Variants in SVIL observed in about 807,000 individuals in gnomAD.
SVIL encodes the protein supervillin, also known as archvillin.
A neutral mutation model predicts 240.4 loss-of-function variants in SVIL; 101 were observed. The observed-to-expected ratio is 0.42, with a 90% CI of 0.36 to 0.50. SVIL has a LOEUF of 0.50. Ranked by LOEUF, SVIL falls within the 20% of genes least tolerant of loss-of-function variation. The pLI, the probability that SVIL is intolerant of heterozygous loss-of-function variation, is 0.01. For missense variants in SVIL, 2,512 were observed against 2,818.7 expected, an observed-to-expected ratio of 0.89 and a Z score of 2.46; for synonymous variants, 999 against 1,100.0, an observed-to-expected ratio of 0.91 and a Z score of 1.82.
intron 1 of SVIL, among the ~76,000 whole-genome samples, chr10:29,571,354 C>T (rs563169593): frequency 1.3e-5 from 2 of 152,210 alleles, no homozygotes; most frequent in Non-Finnish European, 2.9e-5. Flanking sequence ...GTTAAGGAGA[C>T]AGTGCTGCAA....
chr10:29,577,347 C>T (rs1010046606), intron 1 of SVIL, among the ~76,000 whole-genome samples: 4 of 152,162 alleles, frequency 2.6e-5, no homozygotes, highest in African/African-American at 9.7e-5. Context: ...CAACCTTCCC[C>T]TTAGAGTCCC....
intron 29 of SVIL, among the ~76,000 whole-genome samples, chr10:29,478,383 C>T (rs949300657): frequency 6.6e-6 from 1 of 152,208 alleles, no homozygotes; most frequent in African/African-American, 2.4e-5. Flanking sequence ...CCTGCACCTA[C>T]AATGTGAACA....
chr10:29,603,269 A>G (rs1208187057), intron 1 of SVIL, among the ~76,000 whole-genome samples: 1 of 151,706 alleles, frequency 6.6e-6, no homozygotes, highest in African/African-American at 2.4e-5. Context: ...TGAAAATGCA[A>G]ATAAGATTTC....
chr10:29,638,833 C>G (rs140883141), upstream of SVIL, among the ~76,000 whole-genome samples: 1 of 152,182 alleles, frequency 6.6e-6, no homozygotes, highest in Non-Finnish European at 1.5e-5. Flanking sequence ...AAAAGGAAAC[C>G]TGCACATAAT....
intron 18 of SVIL, 31 bp from the exon 19 acceptor site, chr10:29,495,212 T>C (rs1317462416): frequency 4.7e-6 from 6 of 1,286,668 alleles, no homozygotes; most frequent in Non-Finnish European, 6.6e-6. Flanking sequence ...CTACTGAGCA[T>C]CTCAGGGTCA....
chr10:29,702,175 CAAAAAA>C (rs60338711), intron 1 of SVIL, among the ~76,000 whole-genome samples: 6 of 61,660 alleles, frequency 9.7e-5, no homozygotes, highest in African/African-American at 4.1e-4. Context: ...ACTCCATCTC[CAAAAAA>C]AAAAAAAAAA....
Position 29,486,171 on chromosome 10 carries a change from T to A in SVIL, c.4693A>T (p.Ile1565Phe). 1 of 1,614,216 alleles carries A rather than the reference T, an allele frequency of 6.2e-7. No homozygotes were observed. Among genetic ancestry groups the A allele is most frequent in the Non-Finnish European group, 8.5e-7 (1 of 1,180,030 alleles). The change falls in exon 26 of 38, where the codon ATT becomes TTT. Residue 1565 changes from isoleucine to phenylalanine, a missense_variant. By Grantham distance (21) the Ile-to-Phe change is conservative (BLOSUM62 0). Around this residue, in one of 3 missense-constraint regions of SVIL, gnomAD observed 797 missense variants for 925.3 expected, o/e 0.86. Transcript: ENST00000355867. ...AGTTTGTCATCCATGAGACGGTAAA[T>A]GCAGTTAGTTTCTATTATGGCTGCT... The part of the protein sequence containing the change: ...YEAAIIETNC[I>F]YRLMDDKLVP...
chr10:29,646,305 T>G (rs1420090593), intron 3 of SVIL, among the ~76,000 whole-genome samples: 1 of 152,130 alleles, frequency 6.6e-6, no homozygotes, highest in African/African-American at 2.4e-5. Context: ...CTCAAATACC[T>G]CTTTGGGAAA....
intron 1 of SVIL, among the ~76,000 whole-genome samples, chr10:29,579,213 G>A (rs1447905291): frequency 3.3e-5 from 5 of 152,026 alleles, no homozygotes; most frequent in East Asian, 1.9e-4. Flanking sequence ...CGAGGCGGGC[G>A]GATCATGAGG....
At chr10:29,603,862 C>T (rs1221238061) in intron 1 of SVIL, among the ~76,000 whole-genome samples, 2 of 152,146 alleles carry the variant, frequency 1.3e-5, no homozygotes, top group Non-Finnish European at 2.9e-5. Flanking sequence ...AGATGTCATA[C>T]ATAAAGTCAG....
intron 5 of SVIL, among the ~76,000 whole-genome samples, chr10:29,551,559 C>G (rs1310409426): frequency 6.6e-6 from 1 of 152,212 alleles, no homozygotes; most frequent in Non-Finnish European, 1.5e-5. Context: ...AGTCTTTGTT[C>G]AGTGCTTATT....
intron 1 of SVIL, among the ~76,000 whole-genome samples, chr10:29,600,201 GGCTGGATGA>G (rs1362998477): frequency 2.0e-5 from 3 of 152,086 alleles, no homozygotes; most frequent in African/African-American, 7.2e-5. Flanking sequence ...CACCATGTCT[GGCTGGATGA>G]GCTCGTTACA....
Position 29,484,914 on chromosome 10 carries a change from A to C in SVIL, c.4780-83T>G. 7.1e-7 allele frequency: 1 copy of C among 1,406,846 alleles called. No individual in the cohort carries two copies. The highest frequency in any genetic ancestry group is 9.6e-7 in the Non-Finnish European group (1 of 1,038,174). 87.1% of individuals were successfully genotyped at this position (1,406,846 alleles called of 1,614,324 possible). ...AGGTGCAACAGGGTCTCTTGTTGAC[A>C]GTGAGTCAAACGGAGGAAGACAGAA... On this transcript the variant is annotated intron_variant, in intron 26 of 37. Transcript: ENST00000355867. This position sits in a 1 kb window ranked among gnomAD's most constrained non-coding sequence, Gnocchi z 4.7.
intron 2 of SVIL, among the ~76,000 whole-genome samples, chr10:29,677,416 C>T (rs559280954): frequency 7.2e-5 from 11 of 152,210 alleles, no homozygotes; most frequent in Admixed American, 2.0e-4. Context: ...CTCGGAATAA[C>T]ACCTGGGTCA....
intron 1 of SVIL, among the ~76,000 whole-genome samples, chr10:29,706,935 G>A (rs991219746): frequency 2.0e-5 from 3 of 152,158 alleles, no homozygotes; most frequent in African/African-American, 7.2e-5. Context: ...GTTTGTCGAA[G>A]ATCAGATGGT....
intron 23 of SVIL, 120 bp from the exon 24 acceptor site, chr10:29,487,419 G>T (rs1366097504): frequency 6.2e-6 from 7 of 1,130,934 alleles, no homozygotes; most frequent in African/African-American, 3.1e-5. Flanking sequence ...CTGCTAATAA[G>T]AGTGCCCATG....
intron 29 of SVIL, among the ~76,000 whole-genome samples, chr10:29,476,317 G>T (rs1052635164): frequency 6.6e-6 from 1 of 152,256 alleles, no homozygotes; most frequent in Non-Finnish European, 1.5e-5. Flanking sequence ...AATACATTGT[G>T]TAAATACATA....
At chr10:29,482,696 T>C (rs995903292) in intron 27 of SVIL, 5 of 152,268 alleles carry the variant, frequency 3.3e-5, no homozygotes, top group African/African-American at 1.2e-4. Flanking sequence ...CCCGGAGGTC[T>C]TGTGTGGCCT....
chr10:29,679,261 A>C (rs1827712134), intron 2 of SVIL, among the ~76,000 whole-genome samples: 1 of 152,204 alleles, frequency 6.6e-6, no homozygotes, highest in Non-Finnish European at 1.5e-5. Flanking sequence ...CTTGTAGGCA[A>C]CTAAGGGGAC....
Sources: gnomAD v4.1 joint callset for allele counts (sites outside exome capture counted in the v4.1 genomes callset) on GRCh38, gnomAD v4.1.1 for gene constraint, gnomAD v4.1.1 regional missense constraint, Gnocchi (gnomAD v3.1) non-coding constraint, MANE v1.5 for transcripts, NCBI Gene and HGNC (gene_info 2026-07-23, HGNC 2026-07-21) for gene names.